DRC9: variants seen among roughly 807,000 people sequenced by gnomAD.
The protein encoded by DRC9 is dynein regulatory complex subunit 9, also known as dynein regulatory complex protein 9.
the DRC9 span, among the ~76,000 whole-genome samples, chr3:197,923,511 C>G: frequency 6.6e-6 from 1 of 152,180 alleles, no homozygotes; most frequent in African/African-American, 2.4e-5. Context: ...AGACAGATCA[C>G]TTGAGCTCAG....
the DRC9 span, chr3:197,892,693 C>T: frequency 2.5e-6 from 4 of 1,614,120 alleles, no homozygotes; most frequent in South Asian, 4.4e-5. Context: ...GCATTTAGTT[C>T]ATTCTGTTTC....
At chr3:197,952,014 T>G in the DRC9 span, among the ~76,000 whole-genome samples, 4 of 152,170 alleles carry the variant, frequency 2.6e-5, no homozygotes, top group Non-Finnish European at 5.9e-5. Flanking sequence ...TAGGTACCTT[T>G]TGCACTTGTA....
the DRC9 span, among the ~76,000 whole-genome samples, chr3:197,915,240 T>TAAAAA: frequency 7.7e-6 from 1 of 129,816 alleles, no homozygotes; most frequent in African/African-American, 2.9e-5. Context: ...AAGGGAACTC[T>TAAAAA]AAAAAAAAAA....
chr3:197,946,187 G>C, the DRC9 span, among the ~76,000 whole-genome samples: 173 of 152,286 alleles, frequency 1.1e-3, no homozygotes, highest in Middle Eastern at 3.4e-3. Flanking sequence ...TGTAATCCCA[G>C]CACTCTGGGA....
chr3:197,942,385 C>CAAAAAAAA, the DRC9 span, among the ~76,000 whole-genome samples: 38 of 17,072 alleles, frequency 2.2e-3, 6 homozygotes, highest in African/African-American at 3.7e-3. Context: ...CTCCGTCTCA[C>CAAAAAAAA]AAAAAAAAAA....
chr3:197,952,745 C>T, the DRC9 span: 1 of 152,312 alleles, frequency 6.6e-6, no homozygotes, highest in African/African-American at 2.4e-5. Flanking sequence ...CCACCTGCCT[C>T]GGCCTCCCAG....
chr3:197,954,272 G>A, the DRC9 span: 1 of 907,316 alleles, frequency 1.1e-6, no homozygotes. Flanking sequence ...TGCAAAATTT[G>A]TGTATTGCAG....
the DRC9 span, among the ~76,000 whole-genome samples, chr3:197,942,848 C>T: frequency 3.5e-5 from 5 of 144,064 alleles, no homozygotes; most frequent in South Asian, 2.2e-4. Flanking sequence ...GCGGAGGTTG[C>T]GGTGAGCCTA....
At chr3:197,909,078 T>A in the DRC9 span, among the ~76,000 whole-genome samples, 503 of 152,358 alleles carry the variant, frequency 3.3e-3, 2 homozygotes, top group African/African-American at 0.011. Context: ...TTCATCCGAA[T>A]CTGAGCAGGT....
the DRC9 span, chr3:197,958,946 C>T: frequency 6.6e-6 from 1 of 152,412 alleles, no homozygotes; most frequent in African/African-American, 2.4e-5. Flanking sequence ...GTGGCTCACG[C>T]CTGTAATCCC....
At chr3:197,930,615 C>T in the DRC9 span, among the ~76,000 whole-genome samples, 1 of 151,798 alleles carries the variant, frequency 6.6e-6, no homozygotes, top group Non-Finnish European at 1.5e-5. Flanking sequence ...TGGCACACAC[C>T]TGTGGTCCCA....
chr3:197,932,869 A>T, the DRC9 span, among the ~76,000 whole-genome samples: 1 of 136,594 alleles, frequency 7.3e-6, no homozygotes, highest in East Asian at 2.0e-4. Flanking sequence ...ATATATGTAT[A>T]ATATATATTA....
the DRC9 span, among the ~76,000 whole-genome samples, chr3:197,904,331 C>T: frequency 5.9e-5 from 9 of 151,912 alleles, no homozygotes; most frequent in East Asian, 1.9e-4. Flanking sequence ...AATCCTGGTA[C>T]GGTATTGGTT....
the DRC9 span, among the ~76,000 whole-genome samples, chr3:197,931,995 AG>A: frequency 1.3e-5 from 2 of 152,178 alleles, no homozygotes; most frequent in Admixed American, 1.3e-4. Flanking sequence ...CAGATAATGA[AG>A]TCCTAGAAAT....
At chr3:197,899,774 A>T in the DRC9 span, among the ~76,000 whole-genome samples, 1 of 152,160 alleles carries the variant, frequency 6.6e-6, no homozygotes, top group Non-Finnish European at 1.5e-5. Context: ...TAAATTTGAC[A>T]ACTATCTGTA....
the DRC9 span, chr3:197,932,034 A>G: frequency 5.9e-6 from 5 of 844,642 alleles, no homozygotes; most frequent in African/African-American, 8.7e-5. Flanking sequence ...CAGAACTAGG[A>G]AGAAAACCCA....
chr3:197,954,585 C>G, the DRC9 span: 1 of 259,338 alleles, frequency 3.9e-6, no homozygotes, highest in Non-Finnish European at 7.6e-6. Context: ...TCTCAGCTTG[C>G]TGCTACCTTT....
At chr3:197,919,200 G>A in the DRC9 span, among the ~76,000 whole-genome samples, 2 of 152,172 alleles carry the variant, frequency 1.3e-5, no homozygotes, top group Non-Finnish European at 2.9e-5. Context: ...TGAGTACCCT[G>A]AGTTCCTTCC....
the DRC9 span, among the ~76,000 whole-genome samples, chr3:197,937,143 A>T: frequency 3.3e-5 from 5 of 152,226 alleles, no homozygotes; most frequent in African/African-American, 1.2e-4. Flanking sequence ...GACTGGATTT[A>T]GCTAGTGGTC....
Sources: gnomAD v4.1 joint callset for allele counts (sites outside exome capture counted in the v4.1 genomes callset) on GRCh38, gnomAD v4.1.1 for gene constraint, MANE v1.5 for transcripts, NCBI Gene and HGNC (gene_info 2026-07-23, HGNC 2026-07-21) for gene names.